TNFRSF19: variants seen among roughly 807,000 people sequenced by gnomAD.
TNFRSF19 encodes tumor necrosis factor receptor superfamily member 19.
Under a neutral mutation model 46.4 loss-of-function variants are expected in TNFRSF19, and 27 were observed. That is an observed-to-expected ratio of 0.58 (90% CI 0.43 to 0.80). The LOEUF is 0.80. Ranked by LOEUF, TNFRSF19 falls within the 30% of genes least tolerant of loss-of-function variation. TNFRSF19 has a pLI of 0.00. For missense variants in TNFRSF19, 511 were observed against 530.8 expected (o/e 0.96, Z 0.37); for synonymous variants, 204 against 205.0 (o/e 1.00, Z 0.04).
intron 3 of TNFRSF19, among the ~76,000 whole-genome samples, chr13:23,607,913 C>T (rs559415906): frequency 6.6e-6 from 1 of 152,228 alleles, no homozygotes; most frequent in South Asian, 2.1e-4. Flanking sequence ...TTTTATTTCT[C>T]CTAATTATTA....
intron 7 of TNFRSF19, among the ~76,000 whole-genome samples, chr13:23,665,652 G>A (rs1015189609): frequency 2.0e-5 from 3 of 151,852 alleles, no homozygotes; most frequent in African/African-American, 7.3e-5. Context: ...TTCATTTTCT[G>A]TTTTAAATTC....
chr13:23,648,363 A>G (rs1349181824), intron 5 of TNFRSF19, among the ~76,000 whole-genome samples: 1 of 152,096 alleles, frequency 6.6e-6, no homozygotes, highest in African/African-American at 2.4e-5. Context: ...AAACGGAATT[A>G]TTTTCTTAAT....
intron 1 of TNFRSF19, among the ~76,000 whole-genome samples, chr13:23,587,947 G>A (rs75088179): frequency 3.3e-5 from 5 of 152,254 alleles, no homozygotes; most frequent in African/African-American, 4.8e-5. Flanking sequence ...ACTTGACTGC[G>A]GCTGCCTAGA....
At chr13:23,632,519 T>C (rs1390239183) in intron 5 of TNFRSF19, among the ~76,000 whole-genome samples, 1 of 152,202 alleles carries the variant, frequency 6.6e-6, no homozygotes, top group Non-Finnish European at 1.5e-5. Context: ...TGGTTTAAGT[T>C]ACTGTTGCTC....
intron 3 of TNFRSF19, among the ~76,000 whole-genome samples, chr13:23,612,995 A>G (rs185626670): frequency 4.1e-4 from 63 of 152,328 alleles, no homozygotes; most frequent in African/African-American, 1.5e-3. Flanking sequence ...CAGTTGACTC[A>G]GATAGGGTTG....
At position 23,662,129 on chromosome 13, in the gene TNFRSF19, G is replaced by A. The variant is rs191038730; in HGVS notation, c.736+1639G>A. Among the ~76,000 whole-genome samples, 27 of 152,214 alleles carry A rather than the reference G, an allele frequency of 1.8e-4. No homozygotes were observed. In the East Asian group the frequency reaches 5.0e-3, roughly 28 times the overall value. On this transcript the variant is annotated intron_variant, in intron 7 of 9. Coordinates refer to ENST00000248484, the MANE Select transcript of TNFRSF19 (RefSeq NM_148957.4). Reference sequence around the variant, plus strand: ...TTTGCCCATTCCTATGTCCAGGATGGTATTGCTTAGGTTTTCTTCCAGGGT... The same window carrying A: ...TTTGCCCATTCCTATGTCCAGGATGATATTGCTTAGGTTTTCTTCCAGGGT...
At chr13:23,572,916 T>C (rs777439562) in intron 1 of TNFRSF19, among the ~76,000 whole-genome samples, 1 of 152,240 alleles carries the variant, frequency 6.6e-6, no homozygotes, top group Non-Finnish European at 1.5e-5. Flanking sequence ...CTACAGAAAG[T>C]CCAAGTCTTC....
In TNFRSF19 at chr13:23,674,776, CTT is replaced by C. The variant is rs1268496652; in HGVS notation, c.*1399_*1400del. Reference sequence around the variant, plus strand: ...CCCTGCCCAAGTCACTGTCTTTTAACTTTTAAACTGAATATTAAAATGTATCT... The same window carrying C: ...CCCTGCCCAAGTCACTGTCTTTTAACTTAAACTGAATATTAAAATGTATCT... On this transcript the variant is annotated 3_prime_UTR_variant, in exon 10 of 10. Coordinates refer to ENST00000248484, the MANE Select transcript of TNFRSF19 (RefSeq NM_148957.4). 1 of 152,200 alleles carries C rather than the reference CTT, an allele frequency of 6.6e-6. No individual in the cohort carries two copies. The highest frequency in any genetic ancestry group is 1.9e-4 in the East Asian group (1 of 5,196). The allele number at this position is 152,200 out of a possible 1,614,324, so 9.4% of individuals were successfully genotyped here. A position where few individuals can be genotyped will look rare whatever the true frequency, so the allele number is the denominator to read the frequency against.
intron 4 of TNFRSF19, among the ~76,000 whole-genome samples, chr13:23,623,474 A>C (rs1389352903): frequency 1.3e-5 from 2 of 152,146 alleles, no homozygotes; most frequent in African/African-American, 2.4e-5. Context: ...CAGTAGTGGA[A>C]TTGCTGGATT....
intron 9 of TNFRSF19, among the ~76,000 whole-genome samples, chr13:23,672,613 C>T (rs1374909899): frequency 6.6e-6 from 1 of 152,220 alleles, no homozygotes; most frequent in Non-Finnish European, 1.5e-5. Flanking sequence ...GATTTTACTT[C>T]TAAATAATCT....
At chr13:23,593,063 A>T (rs926175279) in intron 2 of TNFRSF19, among the ~76,000 whole-genome samples, 1 of 152,058 alleles carries the variant, frequency 6.6e-6, no homozygotes, top group Admixed American at 6.6e-5. Context: ...CCCAGAGGGT[A>T]TCTGAGGAGG....
intron 7 of TNFRSF19, among the ~76,000 whole-genome samples, chr13:23,667,120 G>GATAT (rs746299138): frequency 0.022 from 1,905 of 87,632 alleles, 30 homozygotes; most frequent in African/African-American, 0.067. Context: ...AAATCAGAGT[G>GATAT]ATATATATAT....
At chr13:23,605,703 A>G (rs1164238449) in intron 3 of TNFRSF19, among the ~76,000 whole-genome samples, 1 of 152,204 alleles carries the variant, frequency 6.6e-6, no homozygotes, top group African/African-American at 2.4e-5. Flanking sequence ...AAACAAGCCA[A>G]TTGGAAAAGT....
chr13:23,572,631 A>G (rs1473138748), intron 1 of TNFRSF19, among the ~76,000 whole-genome samples: 1 of 152,232 alleles, frequency 6.6e-6, no homozygotes, highest in Non-Finnish European at 1.5e-5. Flanking sequence ...AGCTTGGGCA[A>G]GTCAAGTCCT....
intron 4 of TNFRSF19, among the ~76,000 whole-genome samples, chr13:23,623,729 T>C (rs1056671731): frequency 6.6e-6 from 1 of 152,184 alleles, no homozygotes; most frequent in Non-Finnish European, 1.5e-5. Context: ...GTTGAACATG[T>C]TTTTATATAC....
At chr13:23,591,757 C>T (rs1168191915) in intron 2 of TNFRSF19, among the ~76,000 whole-genome samples, 10 of 134,802 alleles carry the variant, frequency 7.4e-5, no homozygotes, top group Admixed American at 2.3e-4. Flanking sequence ...GACGAAGTTT[C>T]GCTTTGTCAC....
At chr13:23,614,769 A>ATATATATATATATAT (rs59907466) in intron 3 of TNFRSF19, among the ~76,000 whole-genome samples, 85 of 147,086 alleles carry the variant, frequency 5.8e-4, no homozygotes, top group South Asian at 1.1e-3. Flanking sequence ...ATATATATAT[A>ATATATATATATATAT]GTACCTGGCA....
chr13:23,621,262 A>G (rs1881635698), intron 4 of TNFRSF19, among the ~76,000 whole-genome samples: 1 of 152,168 alleles, frequency 6.6e-6, no homozygotes, highest in Non-Finnish European at 1.5e-5. Flanking sequence ...CCTAGTAACC[A>G]TGACACTGTT....
intron 2 of TNFRSF19, among the ~76,000 whole-genome samples, chr13:23,590,945 T>A (rs1447659262): frequency 6.6e-6 from 1 of 152,238 alleles, no homozygotes; most frequent in Non-Finnish European, 1.5e-5. Context: ...TTAGAATAGA[T>A]TTTTAAAAGT....
Sources: allele counts gnomAD v4.1 joint callset (sites outside exome capture counted in the v4.1 genomes callset), GRCh38; gene constraint gnomAD v4.1.1; transcripts MANE v1.5; gene names NCBI Gene and HGNC (gene_info 2026-07-23, HGNC 2026-07-21).